The following FBXL13 variants were observed in gnomAD, a reference collection of about 807,000 sequenced individuals.
FBXL13 encodes F-box and leucine-rich repeat protein 13.
A neutral mutation model predicts 83.6 loss-of-function variants in FBXL13; 67 were observed. The observed-to-expected ratio is 0.80, with a 90% confidence interval of 0.66 to 0.98. The LOEUF (loss-of-function observed/expected upper bound fraction) is 0.98, where lower values mean the gene tolerates loss of function less well. Ranked by LOEUF, FBXL13 falls within the 50% of genes least tolerant of loss-of-function variation. The pLI, the probability that FBXL13 is intolerant of heterozygous loss-of-function variation, is 0.00. For missense variants in FBXL13, 822 were observed against 866.5 expected (o/e 0.95, Z 0.64); for synonymous variants, 272 against 299.5 (o/e 0.91, Z 0.95).
intron 11 of FBXL13, among the ~76,000 whole-genome samples, chr7:102,902,394 T>G (rs1370125294): frequency 6.6e-6 from 1 of 152,196 alleles, no homozygotes; most frequent in Non-Finnish European, 1.5e-5. Flanking sequence ...GTCTCTTCAC[T>G]TTGTTGATTG....
intron 2 of FBXL13, chr7:103,031,327 G>T (rs1794492218): frequency 1.3e-5 from 2 of 152,248 alleles, no homozygotes; most frequent in South Asian, 4.1e-4. Flanking sequence ...GCTTCTGACT[G>T]AAAAATATTC....
intron 11 of FBXL13, among the ~76,000 whole-genome samples, chr7:102,902,953 C>T (rs559711744): frequency 1.5e-4 from 23 of 150,722 alleles, no homozygotes; most frequent in African/African-American, 5.6e-4. Flanking sequence ...TTTTCTATTT[C>T]TGTGAAGAAT....
chr7:103,038,081 G>A (rs946937839), intron 2 of FBXL13, among the ~76,000 whole-genome samples: 27 of 152,188 alleles, frequency 1.8e-4, no homozygotes, highest in Middle Eastern at 3.4e-3. Flanking sequence ...CTGGGAAAAC[G>A]GTACATGCCT....
chr7:103,051,382 A>T lies in FBXL13; in HGVS notation c.-1+4262T>A, dbSNP rs114080549. 4.1e-3 allele frequency among the ~76,000 whole-genome samples: 629 copies of T among 152,002 alleles called. 2 individuals carry two copies. The highest frequency in any genetic ancestry group is 0.014 in the African/African-American group (593 of 41,520). ...TGGACCCAGCTGAGTTTCTGTCGTG[A>T]CTTCCAAACCCTGTTTGGATCAGAA... is the stretch of plus-strand genomic sequence containing the variant. On this transcript the variant is annotated intron_variant, in intron 2 of 19. Coordinates refer to ENST00000313221, the Ensembl canonical transcript of FBXL13.
chr7:102,914,995 C>T (rs1471195167), intron 10 of FBXL13, among the ~76,000 whole-genome samples: 1 of 152,104 alleles, frequency 6.6e-6, no homozygotes, highest in East Asian at 1.9e-4. Context: ...GGCCGCGTGA[C>T]ACAGTGCAAA....
Position 102,948,519 on chromosome 7 carries a change from G to A in FBXL13, c.724+15014C>T, listed in dbSNP as rs530992068. ...GCTCACTGCAACTTCCACCTTCCGGGTTCAAGCAATTCTCCTGCCTCAGCT... is the reference window on the plus strand; with the variant it reads ...GCTCACTGCAACTTCCACCTTCCGGATTCAAGCAATTCTCCTGCCTCAGCT... On this transcript the variant is annotated intron_variant, in intron 8 of 19. Coordinates refer to ENST00000313221, the Ensembl canonical transcript of FBXL13. 7.2e-5 allele frequency among the ~76,000 whole-genome samples: 11 copies of A among 152,008 alleles called. No individual in the cohort carries two copies. The South Asian group carries it at 1.9e-3, about 26-fold the overall frequency.
At chr7:102,968,629 C>A (rs563757355) in intron 6 of FBXL13, among the ~76,000 whole-genome samples, 8 of 152,196 alleles carry the variant, frequency 5.3e-5, no homozygotes, top group Non-Finnish European at 7.3e-5. Context: ...ATCAGGAAAT[C>A]CTGCTGGTAC....
At chr7:103,040,352 T>C (rs1795532906) in intron 2 of FBXL13, among the ~76,000 whole-genome samples, 1 of 152,106 alleles carries the variant, frequency 6.6e-6, no homozygotes, top group African/African-American at 2.4e-5. Flanking sequence ...ACAAAGAGAC[T>C]TAGACTCCCA....
intron 8 of FBXL13, among the ~76,000 whole-genome samples, chr7:102,949,100 A>G (rs1380830804): frequency 6.6e-6 from 1 of 152,190 alleles, no homozygotes; most frequent in African/African-American, 2.4e-5. Context: ...TCAGCCAAAC[A>G]GCCCAAAAGA....
At chr7:103,055,544 T>C (rs971126279) in intron 2 of FBXL13, 100 bp downstream of exon 2, 11 of 433,584 alleles carry the variant, frequency 2.5e-5, no homozygotes, top group South Asian at 6.4e-5. Flanking sequence ...AATCTTGAGA[T>C]TGGAAGCATT....
chr7:102,852,721 C>CA (rs1330881385), intron 17 of FBXL13, among the ~76,000 whole-genome samples: 14 of 152,172 alleles, frequency 9.2e-5, no homozygotes, highest in Non-Finnish European at 1.8e-4. Flanking sequence ...GAAAAGGGAA[C>CA]ACTTCTGCAC....
chr7:102,831,504 A>T (rs1475162064), intron 18 of FBXL13, among the ~76,000 whole-genome samples: 1 of 152,012 alleles, frequency 6.6e-6, no homozygotes, highest in African/African-American at 2.4e-5. Context: ...TTAGGAAATA[A>T]ATCTCCAGGC....
At chr7:102,922,496 TA>T (rs1440373248) in intron 10 of FBXL13, among the ~76,000 whole-genome samples, 1 of 152,186 alleles carries the variant, frequency 6.6e-6, no homozygotes, top group African/African-American at 2.4e-5. Flanking sequence ...GCATTTACTA[TA>T]AAATTTTATA....
chr7:103,008,305 T>C (rs1791200184), intron 6 of FBXL13, among the ~76,000 whole-genome samples: 1 of 152,096 alleles, frequency 6.6e-6, no homozygotes, highest in South Asian at 2.1e-4. Flanking sequence ...AATTGCAACA[T>C]ATGAACTGGA....
At chr7:102,945,835 T>C (rs1427763248) in intron 8 of FBXL13, among the ~76,000 whole-genome samples, 1 of 152,204 alleles carries the variant, frequency 6.6e-6, no homozygotes, top group Non-Finnish European at 1.5e-5. Context: ...ATCTGATACT[T>C]GCACAAACTC....
At chr7:102,918,689 G>A (rs965586196) in intron 10 of FBXL13, among the ~76,000 whole-genome samples, 9 of 152,100 alleles carry the variant, frequency 5.9e-5, no homozygotes, top group African/African-American at 2.2e-4. Flanking sequence ...GTGCCCAGGA[G>A]TTTGAGGCTG....
At chr7:102,842,945 C>A (rs1025285340) in intron 17 of FBXL13, among the ~76,000 whole-genome samples, 10 of 152,184 alleles carry the variant, frequency 6.6e-5, no homozygotes, top group African/African-American at 2.4e-4. Flanking sequence ...GTTGTTCTCC[C>A]AACTATGAAG....
At chr7:102,914,380 C>G (rs1267699756) in intron 10 of FBXL13, among the ~76,000 whole-genome samples, 1 of 152,186 alleles carries the variant, frequency 6.6e-6, no homozygotes, top group Non-Finnish European at 1.5e-5. Context: ...AAGCCTGGCA[C>G]TTTTTAAGAG....
At chr7:102,946,478 C>T (rs1180130904) in intron 8 of FBXL13, among the ~76,000 whole-genome samples, 4 of 152,108 alleles carry the variant, frequency 2.6e-5, no homozygotes, top group African/African-American at 4.8e-5. Context: ...CAAAGAGGAG[C>T]AGGTACCAGG....
Sources: gnomAD v4.1 joint callset for allele counts (sites outside exome capture counted in the v4.1 genomes callset) on GRCh38, gnomAD v4.1.1 for gene constraint, MANE v1.5 for transcripts, NCBI Gene and HGNC (gene_info 2026-07-23, HGNC 2026-07-21) for gene names.